ULK4: variants seen among roughly 807,000 people sequenced by gnomAD.
ULK4 encodes inactive serine/threonine-protein kinase ULK4.
ULK4 carries 133 observed loss-of-function variants against 160.6 expected under a neutral mutation model. The observed-to-expected ratio is 0.83, with a 90% confidence interval of 0.72 to 0.96. The LOEUF (loss-of-function observed/expected upper bound fraction) is 0.96. Ranked by LOEUF, ULK4 falls within the 40% of genes least tolerant of loss-of-function variation. The pLI, the probability that ULK4 is intolerant of heterozygous loss-of-function variation, is 0.00. For missense variants in ULK4, 1,580 were observed against 1,499.5 expected, an observed-to-expected ratio of 1.05 and a Z score of -0.89; for synonymous variants, 534 against 539.8, an observed-to-expected ratio of 0.99 and a Z score of 0.15.
At chr3:41,472,361 G>A (rs1218163650) in intron 32 of ULK4, among the ~76,000 whole-genome samples, 2 of 152,092 alleles carry the variant, frequency 1.3e-5, no homozygotes, top group Admixed American at 6.5e-5. Flanking sequence ...CTGAGGTCAG[G>A]AGTTCAAAAC....
At chr3:41,488,383 C>T (rs1372957080) in intron 32 of ULK4, among the ~76,000 whole-genome samples, 1 of 152,168 alleles carries the variant, frequency 6.6e-6, no homozygotes, top group Non-Finnish European at 1.5e-5. Flanking sequence ...GGAAAGCTAA[C>T]TCCAGACCTG....
At chr3:41,378,185 G>A (rs1159830134) in intron 35 of ULK4, among the ~76,000 whole-genome samples, 3 of 141,806 alleles carry the variant, frequency 2.1e-5, no homozygotes, top group Non-Finnish European at 3.0e-5. Context: ...GAGATCACAT[G>A]GACACAGGAA....
chr3:41,657,716 C>T (rs1008797151), intron 30 of ULK4, among the ~76,000 whole-genome samples: 1 of 150,412 alleles, frequency 6.6e-6, no homozygotes, highest in Non-Finnish European at 1.5e-5. Context: ...ACTCAGGAGG[C>T]AGAGGCAGAG....
At chr3:41,767,372 GC>G (rs1289089663) in intron 21 of ULK4, among the ~76,000 whole-genome samples, 1 of 151,296 alleles carries the variant, frequency 6.6e-6, no homozygotes, top group African/African-American at 2.4e-5. Context: ...AATACTTTTT[GC>G]TTTTTTAATA....
intron 32 of ULK4, among the ~76,000 whole-genome samples, chr3:41,554,741 G>A (rs1429967207): frequency 6.6e-6 from 1 of 152,050 alleles, no homozygotes; most frequent in Admixed American, 6.6e-5. Context: ...GAAATGGGGT[G>A]ATAAATATCC....
At chr3:41,515,514 A>C (rs1450663985) in intron 32 of ULK4, among the ~76,000 whole-genome samples, 1 of 152,182 alleles carries the variant, frequency 6.6e-6, no homozygotes, top group Non-Finnish European at 1.5e-5. Flanking sequence ...GTAATTTATA[A>C]AGGAAAGAGG....
chr3:41,855,504 T>C (rs80011664), intron 17 of ULK4, among the ~76,000 whole-genome samples: 1,902 of 152,300 alleles, frequency 0.012, 37 homozygotes, highest in African/African-American at 0.041. Context: ...AATGTTTTCT[T>C]AAGAAGCCAA....
At chr3:41,643,841 A>G (rs921648121) in intron 30 of ULK4, among the ~76,000 whole-genome samples, 1 of 152,172 alleles carries the variant, frequency 6.6e-6, no homozygotes, top group African/African-American at 2.4e-5. Context: ...ATGTTCTTCC[A>G]TTTGTTTGTA....
At chr3:41,498,891 C>A (rs1311534097) in intron 32 of ULK4, among the ~76,000 whole-genome samples, 5 of 151,978 alleles carry the variant, frequency 3.3e-5, no homozygotes, top group African/African-American at 4.8e-5. Flanking sequence ...CACTGTCTGG[C>A]CGAGAGTTTC....
intron 2 of ULK4, among the ~76,000 whole-genome samples, chr3:41,941,421 G>A (rs1261382828): frequency 6.7e-6 from 1 of 148,562 alleles, no homozygotes; most frequent in Non-Finnish European, 1.5e-5. Flanking sequence ...GCCCATATAT[G>A]CAGAGCTCCC....
intron 21 of ULK4, among the ~76,000 whole-genome samples, chr3:41,773,194 C>A (rs1302947690): frequency 6.6e-6 from 1 of 152,140 alleles, no homozygotes; most frequent in Non-Finnish European, 1.5e-5. Context: ...CACTCCTATT[C>A]AACATAGTGT....
chr3:41,310,805 C>G (rs982921692), intron 35 of ULK4, among the ~76,000 whole-genome samples: 11 of 152,058 alleles, frequency 7.2e-5, no homozygotes, highest in African/African-American at 2.7e-4. Flanking sequence ...CCAACATGGG[C>G]GACGTGGCAA....
chr3:41,661,262 A>C (rs572531369), intron 30 of ULK4, among the ~76,000 whole-genome samples: 1 of 152,320 alleles, frequency 6.6e-6, no homozygotes, highest in South Asian at 2.1e-4. Context: ...AGTATGAATA[A>C]ATATGATATG....
intron 5 of ULK4, chr3:41,931,632 A>T: frequency 2.0e-6 from 1 of 498,586 alleles, no homozygotes; most frequent in South Asian, 4.8e-5. Context: ...AGGTTTTGTT[A>T]AGGTTCCCCA....
chr3:41,773,322 C>T lies in ULK4; in HGVS notation c.2193+16339G>A, dbSNP rs139222396. 3.1e-3 allele frequency among the ~76,000 whole-genome samples: 476 copies of T among 152,236 alleles called. 1 individual carries two copies. Among genetic ancestry groups the T allele is most frequent in the African/African-American group, 0.011 (452 of 41,538 alleles). ...GACTTGACTGTATATCTAGAAAACC[C>T]CATTGTCTCAGCCCAAAATATCCTT... On this transcript the variant is annotated intron_variant, in intron 21 of 36. Transcript: ENST00000301831.
At chr3:41,503,536 C>G (rs1248196899) in intron 32 of ULK4, among the ~76,000 whole-genome samples, 4 of 152,124 alleles carry the variant, frequency 2.6e-5, no homozygotes, top group Non-Finnish European at 5.9e-5. Context: ...CTAAAGATGA[C>G]CTAGGAAAAC....
chr3:41,496,738 A>T (rs1214156754), intron 32 of ULK4, among the ~76,000 whole-genome samples: 1 of 152,154 alleles, frequency 6.6e-6, no homozygotes, highest in Non-Finnish European at 1.5e-5. Context: ...GATTGCACAG[A>T]TCTGGCAGTC....
intron 30 of ULK4, among the ~76,000 whole-genome samples, chr3:41,624,964 T>C (rs1165989986): frequency 6.6e-6 from 1 of 152,212 alleles, no homozygotes; most frequent in African/African-American, 2.4e-5. Flanking sequence ...GGTAAATCTC[T>C]GTTAAAAAAA....
chr3:41,252,927 G>A (rs2078768443), intron 35 of ULK4, among the ~76,000 whole-genome samples: 1 of 152,080 alleles, frequency 6.6e-6, no homozygotes, highest in African/African-American at 2.4e-5. Context: ...ATTACTTATA[G>A]GGTAACAATA....
Sources: allele counts gnomAD v4.1 joint callset (sites outside exome capture counted in the v4.1 genomes callset), GRCh38; gene constraint gnomAD v4.1.1; transcripts MANE v1.5; gene names NCBI Gene and HGNC (gene_info 2026-07-23, HGNC 2026-07-21).